SEL1L3: variants seen among roughly 807,000 people sequenced by gnomAD.
SEL1L3 encodes the protein SEL1L family member 3.
In SEL1L3, 76 loss-of-function variants were observed where a neutral mutation model predicts 142.8. The ratio of observed to expected loss-of-function variants is 0.53; its 90% CI spans 0.44 to 0.64. The LOEUF (loss-of-function observed/expected upper bound fraction) is 0.64. Ranked by LOEUF, SEL1L3 falls within the 30% of genes least tolerant of loss-of-function variation. The pLI, the probability that SEL1L3 is intolerant of heterozygous loss-of-function variation, is 0.00. For synonymous variants in SEL1L3, 504 were observed against 519.6 expected, an observed-to-expected ratio of 0.97 and a Z score of 0.41; for missense variants, 1,262 against 1,381.7, an observed-to-expected ratio of 0.91 and a Z score of 1.37.
At chr4:25,734,547 C>T in the SEL1L3 span, among the ~76,000 whole-genome samples, 5 of 151,780 alleles carry the variant, frequency 3.3e-5, no homozygotes, top group African/African-American at 4.8e-5. Context: ...TGTTTCAATT[C>T]GGTAATATTT....
chr4:25,737,511 G>T, the SEL1L3 span, among the ~76,000 whole-genome samples: 15 of 152,200 alleles, frequency 9.9e-5, no homozygotes, highest in Non-Finnish European at 1.9e-4. Flanking sequence ...TGTCATGAGG[G>T]CTCGAACCTC....
chr4:25,809,673 C>T (rs888123980), intron 9 of SEL1L3, among the ~76,000 whole-genome samples: 3 of 152,036 alleles, frequency 2.0e-5, no homozygotes, highest in Non-Finnish European at 4.4e-5. Context: ...TCTCTCCTTT[C>T]GGAGCTGTTA....
intron 6 of SEL1L3, among the ~76,000 whole-genome samples, chr4:25,826,908 C>G (rs1577665240): frequency 6.6e-6 from 1 of 152,074 alleles, no homozygotes; most frequent in Non-Finnish European, 1.5e-5. Flanking sequence ...AAGTGATCTG[C>G]CTGCCTCAGC....
chr4:25,749,047 GAGGTACAA>G (rs1717421134), intron 23 of SEL1L3, among the ~76,000 whole-genome samples: 1 of 152,158 alleles, frequency 6.6e-6, no homozygotes, highest in South Asian at 2.1e-4. Flanking sequence ...CCCCAGTGAT[GAGGTACAA>G]AGACCATTTT....
chr4:25,817,812 T>A (rs748816), intron 9 of SEL1L3, among the ~76,000 whole-genome samples: 17,206 of 152,202 alleles, frequency 0.11, 2,473 homozygotes, highest in African/African-American at 0.32. Flanking sequence ...TGATTTTTTT[T>A]AAAACATATA....
intron 1 of SEL1L3, among the ~76,000 whole-genome samples, chr4:25,848,944 GC>G (rs1358892732): frequency 2.0e-5 from 3 of 152,190 alleles, no homozygotes; most frequent in Non-Finnish European, 4.4e-5. Context: ...TTCAAGACCA[GC>G]CTGGTCAACA....
At chr4:25,725,567 G>A in the SEL1L3 span, among the ~76,000 whole-genome samples, 9 of 152,068 alleles carry the variant, frequency 5.9e-5, no homozygotes, top group Non-Finnish European at 1.0e-4. Context: ...CGCCTGCCTC[G>A]GCCTCCCAAA....
rs1298752838 is a variant in SEL1L3, at chr4:25,757,572, A to C, written c.3221T>G (p.Leu1074Trp). 5 of 1,552,518 alleles carry C rather than the reference A, an allele frequency of 3.2e-6. No homozygotes were observed. The highest frequency in any genetic ancestry group is 4.4e-6 in the Non-Finnish European group (5 of 1,147,560). Residue 1074 changes from leucine to tryptophan, a missense_variant, in exon 23 of 24, where the codon TTG (leucine) becomes TGG (tryptophan). Leu to Trp is a moderately conservative substitution (Grantham distance 61, BLOSUM62 -2). Transcript: ENST00000399878. Reference sequence around the variant, plus strand: ...GAAATACTGCACAGTCCAGGCGATCAATATGGATAGCAGAAAGGTTCCCAG... The same window carrying C: ...GAAATACTGCACAGTCCAGGCGATCCATATGGATAGCAGAAAGGTTCCCAG... The part of the protein sequence containing the change: ...YFLGTFLLSI[L>W]IAWTVQYFQS...
chr4:25,820,331 C>T (rs1212327569), intron 7 of SEL1L3, among the ~76,000 whole-genome samples: 8 of 152,272 alleles, frequency 5.3e-5, no homozygotes, highest in African/African-American at 1.9e-4. Flanking sequence ...CTCCCCTCTT[C>T]TGCAACCTCC....
intron 2 of SEL1L3, among the ~76,000 whole-genome samples, chr4:25,837,895 A>T (rs549975210): frequency 8.9e-4 from 135 of 152,306 alleles, no homozygotes; most frequent in African/African-American, 3.0e-3. Context: ...ATGGGTAGCA[A>T]CAATACCAGT....
downstream of SEL1L3, among the ~76,000 whole-genome samples, chr4:25,744,710 T>C (rs1360004228): frequency 6.6e-6 from 1 of 152,176 alleles, no homozygotes; most frequent in African/African-American, 2.4e-5. Flanking sequence ...CATTCTGCAA[T>C]GCACAAGACA....
At chr4:25,737,389 T>A in the SEL1L3 span, among the ~76,000 whole-genome samples, 8 of 152,210 alleles carry the variant, frequency 5.3e-5, no homozygotes, top group Non-Finnish European at 5.9e-5. Context: ...GCCTTTTTTC[T>A]TTGTTTCTAG....
intron 4 of SEL1L3, 74 bp downstream of exon 4, chr4:25,833,374 G>C: frequency 7.1e-7 from 1 of 1,404,106 alleles, no homozygotes; most frequent in Non-Finnish European, 9.8e-7. Flanking sequence ...CCTTATTCTA[G>C]ACAGACATAT....
chr4:25,842,359 G>A (rs1232457386), intron 2 of SEL1L3, among the ~76,000 whole-genome samples: 2 of 151,968 alleles, frequency 1.3e-5, no homozygotes, highest in African/African-American at 4.8e-5. Context: ...GAAAGTGGCA[G>A]TGGGGGGCGG....
Position 25,804,675 on chromosome 4 carries a change from T to C in SEL1L3, c.1642A>G (p.Ile548Val), listed in dbSNP as rs533413668. 69 of 1,613,728 alleles carry C rather than the reference T, an allele frequency of 4.3e-5. No individual in the cohort carries two copies. The African/African-American group carries it at 6.4e-4, about 15-fold the overall frequency. Residue 548 changes from isoleucine (I) to valine (V), a missense_variant, in exon 10 of 24, where the codon ATT becomes GTT. Ile to Val is a conservative substitution (Grantham distance 29). Coordinates refer to ENST00000399878, the MANE Select transcript of SEL1L3 (RefSeq NM_015187.5). Reference sequence around the variant, plus strand: ...GAGCTAATTTGGTGAAGACCATCAATGCTAGAGAGTCTCTTTACAGCCTTC... The same window carrying C: ...GAGCTAATTTGGTGAAGACCATCAACGCTAGAGAGTCTCTTTACAGCCTTC... ...FEKAVKRLSS[I>V]DGLHQISSIV... is the part of the protein sequence containing the mutation.
rs779548874 is a variant in SEL1L3 at position 25,776,328 on chromosome 4, T to A, written c.2618A>T (p.Tyr873Phe). 11 of 1,613,178 alleles carry A rather than the reference T, an allele frequency of 6.8e-6. No homozygotes were observed. Among genetic ancestry groups the A allele is most frequent in the Admixed American group, 1.7e-5 (1 of 59,974 alleles). The change falls in exon 17 of 24, where the codon TAC becomes TTC. Residue 873 changes from tyrosine to phenylalanine, a missense_variant. Coordinates refer to ENST00000399878, the MANE Select transcript of SEL1L3 (RefSeq NM_015187.5). ...WAKHVAEKNGYLGHVIRKGLN... is the reference protein window; with the variant it reads ...WAKHVAEKNGFLGHVIRKGLN... ...GCCTTTGCGGATGACATGGCCCAAG[T>A]AGCCATTTTTCTCAGCTACATGTTT...
At chr4:25,863,358 T>G, upstream of SEL1L3, 2 of 571,242 alleles carry the variant, frequency 3.5e-6, no homozygotes, top group Non-Finnish European at 6.5e-6. Flanking sequence ...CTTTTTCACT[T>G]TCTCCTTTTC....
At chr4:25,749,594 T>C (rs4697611) in intron 23 of SEL1L3, among the ~76,000 whole-genome samples, 135,324 of 152,220 alleles carry the variant, frequency 0.89, 60,362 homozygotes, top group East Asian at 1. Flanking sequence ...TCTCTGCTCA[T>C]CTGGAATGTG....
chr4:25,852,152 C>G lies in SEL1L3; in HGVS notation c.163-4288G>C, dbSNP rs150692482. Reference sequence around the variant, plus strand: ...TCATAATTAGAAGCAGAGAATGTTACAGTGGATGAGTCTGGTGACAAGCCA... The same window carrying G: ...TCATAATTAGAAGCAGAGAATGTTAGAGTGGATGAGTCTGGTGACAAGCCA... On this transcript the variant is annotated intron_variant, in intron 1 of 23. Coordinates refer to ENST00000399878, the MANE Select transcript of SEL1L3 (RefSeq NM_015187.5). Among the ~76,000 whole-genome samples the G allele has an allele frequency of 2.2e-3, 342 of 152,278 alleles. 1 individual carries two copies. The highest frequency in any genetic ancestry group is 8.1e-3 in the African/African-American group (337 of 41,546).
Sources: gnomAD v4.1 joint callset for allele counts (sites outside exome capture counted in the v4.1 genomes callset) on GRCh38, gnomAD v4.1.1 for gene constraint, MANE v1.5 for transcripts, NCBI Gene and HGNC (gene_info 2026-07-23, HGNC 2026-07-21) for gene names.